Variants in GSE1 observed in about 807,000 individuals in gnomAD.
GSE1 encodes the protein Gse1 coiled-coil protein, also known as genetic suppressor element 1.
A neutral mutation model predicts 112.6 loss-of-function variants in GSE1; 32 were observed. The ratio of observed to expected loss-of-function variants is 0.28; its 90% CI spans 0.21 to 0.38. GSE1 has a LOEUF of 0.38. GSE1 is among the 10% of genes least tolerant of loss of function. The probability of loss-of-function intolerance (pLI) is 1.00; values close to 1 mark genes in which losing one functional copy is unlikely to be tolerated. For synonymous variants in GSE1, 1,115 were observed against 735.6 expected (o/e 1.52, Z -8.35); for missense variants, 2,348 against 1,699.2 (o/e 1.38, Z -6.71).
chr16:85,189,288 T>C (rs1597755452), intron 1 of GSE1, among the ~76,000 whole-genome samples: 1 of 152,232 alleles, frequency 6.6e-6, no homozygotes, highest in East Asian at 1.9e-4. Flanking sequence ...TGACTTCATG[T>C]TGTCTTCTGA....
At chr16:85,496,167 C>T (rs1372358637) in intron 2 of GSE1, among the ~76,000 whole-genome samples, 5 of 152,178 alleles carry the variant, frequency 3.3e-5, no homozygotes, top group African/African-American at 1.2e-4. Flanking sequence ...GTGACTTGAC[C>T]TCGCTCCCCA....
chr16:85,201,279 C>T (rs1475950164), intron 1 of GSE1, among the ~76,000 whole-genome samples: 1 of 151,564 alleles, frequency 6.6e-6, no homozygotes, highest in Non-Finnish European at 1.5e-5. Context: ...CTGTGTTGCT[C>T]AGGCTGAGTT....
At chr16:85,506,855 G>T (rs1445291696) in intron 2 of GSE1, among the ~76,000 whole-genome samples, 1 of 152,118 alleles carries the variant, frequency 6.6e-6, no homozygotes, top group African/African-American at 2.4e-5. Flanking sequence ...AGCTTAGTGA[G>T]GGGACAGTGC....
At chr16:85,500,903 G>A (rs981024624) in intron 2 of GSE1, among the ~76,000 whole-genome samples, 3 of 151,342 alleles carry the variant, frequency 2.0e-5, no homozygotes, top group African/African-American at 7.3e-5. Flanking sequence ...GCACGTGGCT[G>A]TCTTCCGTGT....
intron 1 of GSE1, among the ~76,000 whole-genome samples, chr16:85,248,964 G>C (rs971757969): frequency 3.9e-5 from 6 of 152,182 alleles, no homozygotes; most frequent in African/African-American, 1.4e-4. Context: ...TATGACTAGA[G>C]TCCCCCAAGA....
At chr16:85,620,102 C>T (rs901503883) in intron 1 of GSE1, among the ~76,000 whole-genome samples, 6 of 152,070 alleles carry the variant, frequency 3.9e-5, no homozygotes, top group Admixed American at 6.5e-5. Context: ...TTAAGACCTC[C>T]TCTCTACAAA....
intron 1 of GSE1, among the ~76,000 whole-genome samples, chr16:85,331,559 A>ATC (rs2046361249): frequency 2.7e-5 from 3 of 110,084 alleles, no homozygotes; most frequent in African/African-American, 1.2e-4. Context: ...ATATATGTGT[A>ATC]TATGTGTATA....
At chr16:85,348,751 A>T (rs2046794408) in intron 1 of GSE1, among the ~76,000 whole-genome samples, 2 of 152,132 alleles carry the variant, frequency 1.3e-5, no homozygotes, top group African/African-American at 4.8e-5. Context: ...TGGATTGTCC[A>T]GGAGACTCGG....
chr16:85,469,504 T>C (rs2050222213), intron 2 of GSE1, among the ~76,000 whole-genome samples: 2 of 152,172 alleles, frequency 1.3e-5, no homozygotes, highest in Admixed American at 6.5e-5. Flanking sequence ...CATTTCTTTG[T>C]TTTTAGTCAC....
intron 1 of GSE1, among the ~76,000 whole-genome samples, chr16:85,259,241 C>T (rs935707617): frequency 3.3e-5 from 5 of 152,132 alleles, no homozygotes; most frequent in Non-Finnish European, 5.9e-5. Flanking sequence ...ATCCGCACGG[C>T]CCCACTATGT....
chr16:85,401,496 C>T (rs1282567083), intron 2 of GSE1, among the ~76,000 whole-genome samples: 1 of 152,138 alleles, frequency 6.6e-6, no homozygotes, highest in African/African-American at 2.4e-5. Context: ...GGGGCACCTC[C>T]CGCAAAGTCA....
At chr16:85,189,420 C>T (rs1219989585) in intron 1 of GSE1, among the ~76,000 whole-genome samples, 1 of 152,144 alleles carries the variant, frequency 6.6e-6, no homozygotes, top group Non-Finnish European at 1.5e-5. Context: ...GATTCCTTGC[C>T]AGCTGTGGGA....
chr16:85,509,729 G>A (rs1268613842), intron 2 of GSE1, among the ~76,000 whole-genome samples: 3 of 152,236 alleles, frequency 2.0e-5, no homozygotes, highest in African/African-American at 7.2e-5. Flanking sequence ...GCACACCTCG[G>A]CTGCCTGCCT....
intron 1 of GSE1, among the ~76,000 whole-genome samples, chr16:85,241,090 G>A (rs567132119): frequency 2.0e-5 from 3 of 152,188 alleles, no homozygotes; most frequent in Non-Finnish European, 4.4e-5. Flanking sequence ...CCCGTGAAAC[G>A]AGCCTCCTTC....
chr16:85,612,314 C>T (rs1044493113), upstream of GSE1, among the ~76,000 whole-genome samples: 1 of 151,954 alleles, frequency 6.6e-6, no homozygotes, highest in Non-Finnish European at 1.5e-5. Context: ...TCCCTCTCCG[C>T]GCCGCCTGTG....
intron 1 of GSE1, among the ~76,000 whole-genome samples, chr16:85,294,649 CTCTCTCTCTGTCTCTCTCTCT>C (rs2045315946): frequency 3.4e-5 from 4 of 118,260 alleles, no homozygotes; most frequent in African/African-American, 1.4e-4. Flanking sequence ...CTCTCTCTCT[CTCTCTCTCTGTCTCTCTCTCT>C]CCCCCCCCTT....
intron 2 of GSE1, among the ~76,000 whole-genome samples, chr16:85,523,133 G>A (rs1214577978): frequency 1.3e-5 from 2 of 151,664 alleles, no homozygotes; most frequent in African/African-American, 2.4e-5. Flanking sequence ...TGGCCTGTGT[G>A]TGTGTGGCTG....
intron 2 of GSE1, among the ~76,000 whole-genome samples, chr16:85,408,487 G>C (rs1181023916): frequency 4.0e-5 from 2 of 50,410 alleles, no homozygotes; most frequent in African/African-American, 8.6e-5. Flanking sequence ...TACTCTCAGG[G>C]CACCTGGATA....
At chr16:85,604,641 C>G (rs947549459) in intron 1 of GSE1, among the ~76,000 whole-genome samples, 1 of 138,226 alleles carries the variant, frequency 7.2e-6, no homozygotes, top group African/African-American at 2.7e-5. Context: ...TAAAGATGCA[C>G]CTTCTGAGGC....
Sources: allele counts gnomAD v4.1 joint callset (sites outside exome capture counted in the v4.1 genomes callset), GRCh38; gene constraint gnomAD v4.1.1; transcripts MANE v1.5; gene names NCBI Gene and HGNC (gene_info 2026-07-23, HGNC 2026-07-21).